DOK6: variants seen among roughly 807,000 people sequenced by gnomAD.
DOK6 encodes the protein docking protein 6, also known as downstream of tyrosine kinase 6.
A neutral mutation model predicts 44.0 loss-of-function variants in DOK6; 22 were observed. The ratio of observed to expected loss-of-function variants is 0.50; its 90% CI spans 0.36 to 0.71. DOK6 has a LOEUF of 0.71. DOK6 is among the 30% of genes least tolerant of loss of function. The probability of loss-of-function intolerance (pLI) is 0.00; values close to 1 mark genes in which losing one functional copy is unlikely to be tolerated. For synonymous variants in DOK6, 166 were observed against 145.5 expected (o/e 1.14, Z -1.01); for missense variants, 340 against 416.4 (o/e 0.82, Z 1.60).
chr18:69,610,963 A>T (rs1984124491), intron 3 of DOK6, among the ~76,000 whole-genome samples: 1 of 152,118 alleles, frequency 6.6e-6, no homozygotes, highest in South Asian at 2.1e-4. Flanking sequence ...ACAGAGAGAG[A>T]GAGAGAGTTT....
At chr18:69,826,691 G>C (rs1268546685) in intron 7 of DOK6, among the ~76,000 whole-genome samples, 1 of 152,130 alleles carries the variant, frequency 6.6e-6, no homozygotes, top group Non-Finnish European at 1.5e-5. Context: ...CAGTCCAGTA[G>C]GTGTTACTAA....
At chr18:69,716,618 T>C (rs768718560) in intron 5 of DOK6, among the ~76,000 whole-genome samples, 3 of 149,864 alleles carry the variant, frequency 2.0e-5, no homozygotes, top group Non-Finnish European at 2.9e-5. Flanking sequence ...CTTATTGCCA[T>C]TTAAAGAAAA....
intron 5 of DOK6, among the ~76,000 whole-genome samples, chr18:69,715,306 A>G (rs757935085): frequency 1.2e-4 from 19 of 152,336 alleles, no homozygotes; most frequent in South Asian, 6.2e-4. Flanking sequence ...TAAGCACACC[A>G]TAAATGGAAG....
At chr18:69,637,414 A>G (rs1023092858) in intron 3 of DOK6, among the ~76,000 whole-genome samples, 1 of 152,218 alleles carries the variant, frequency 6.6e-6, no homozygotes, top group African/African-American at 2.4e-5. Flanking sequence ...TCCTTATTTA[A>G]TTCAGTGATT....
chr18:69,773,684 G>A (rs917874418), intron 7 of DOK6, among the ~76,000 whole-genome samples: 3 of 151,972 alleles, frequency 2.0e-5, no homozygotes, highest in African/African-American at 7.2e-5. Flanking sequence ...GGAGCTGGAA[G>A]AGGGAGAAAT....
intron 1 of DOK6, among the ~76,000 whole-genome samples, chr18:69,455,156 C>CAAAAA (rs58451274): frequency 3.5e-4 from 41 of 117,276 alleles, no homozygotes; most frequent in Non-Finnish European, 4.4e-4. Flanking sequence ...ATAGCTATAG[C>CAAAAA]AAAAAAAAAA....
At chr18:69,805,542 T>A (rs1981029463) in intron 7 of DOK6, among the ~76,000 whole-genome samples, 1 of 152,226 alleles carries the variant, frequency 6.6e-6, no homozygotes, top group South Asian at 2.1e-4. Context: ...TAGGTGGTGC[T>A]ATAATTTTGC....
At chr18:69,494,926 G>A (rs1980839076) in intron 1 of DOK6, among the ~76,000 whole-genome samples, 1 of 152,176 alleles carries the variant, frequency 6.6e-6, no homozygotes, top group South Asian at 2.1e-4. Context: ...TAGCTTGGCA[G>A]GCTCTACTCG....
intron 7 of DOK6, among the ~76,000 whole-genome samples, chr18:69,816,045 G>A (rs1981388738): frequency 1.3e-5 from 2 of 152,132 alleles, no homozygotes; most frequent in Admixed American, 1.3e-4. Context: ...GAGGAGAAAT[G>A]GAGGAGAGCC....
chr18:69,439,896 A>G (rs779189488), intron 1 of DOK6, among the ~76,000 whole-genome samples: 2 of 152,166 alleles, frequency 1.3e-5, no homozygotes, highest in Non-Finnish European at 2.9e-5. Flanking sequence ...CTCAATTTGG[A>G]TAACTGTTTG....
chr18:69,638,586 A>G (rs1984865714), intron 3 of DOK6, among the ~76,000 whole-genome samples: 2 of 152,182 alleles, frequency 1.3e-5, no homozygotes, highest in South Asian at 4.1e-4. Flanking sequence ...TGAGTCAAAG[A>G]AACTGAATAT....
chr18:69,559,633 A>T (rs1470935700), intron 1 of DOK6, among the ~76,000 whole-genome samples: 3 of 152,098 alleles, frequency 2.0e-5, no homozygotes, highest in South Asian at 2.1e-4. Flanking sequence ...TGCTAGTTTT[A>T]AAAAAATATA....
At chr18:69,834,461 T>C (rs1017426990) in intron 7 of DOK6, among the ~76,000 whole-genome samples, 13 of 152,154 alleles carry the variant, frequency 8.5e-5, no homozygotes, top group African/African-American at 2.9e-4. Flanking sequence ...CAGTATTCCA[T>C]AGTATAGTAG....
chr18:69,786,059 G>C (rs1214230029), intron 7 of DOK6, among the ~76,000 whole-genome samples: 7 of 152,056 alleles, frequency 4.6e-5, no homozygotes. Flanking sequence ...GTGCTTTCCT[G>C]TTGTATGCGT....
chr18:69,553,963 C>A (rs111345547), intron 1 of DOK6, among the ~76,000 whole-genome samples: 1 of 152,122 alleles, frequency 6.6e-6, no homozygotes, highest in Admixed American at 6.6e-5. Flanking sequence ...TTCTGCTATC[C>A]TTGAAAATCC....
chr18:69,609,758 G>T (rs530358811), intron 3 of DOK6, among the ~76,000 whole-genome samples: 1 of 152,234 alleles, frequency 6.6e-6, no homozygotes, highest in African/African-American at 2.4e-5. Flanking sequence ...CAACAGCCAA[G>T]ATATGGAAAC....
chr18:69,813,274 A>G (rs1375621668), intron 7 of DOK6, among the ~76,000 whole-genome samples: 2 of 152,168 alleles, frequency 1.3e-5, no homozygotes, highest in Admixed American at 1.3e-4. Flanking sequence ...GGATCATACC[A>G]AGGGAAAAAT....
intron 1 of DOK6, among the ~76,000 whole-genome samples, chr18:69,532,214 T>C (rs1290057013): frequency 6.6e-6 from 1 of 152,196 alleles, no homozygotes; most frequent in Non-Finnish European, 1.5e-5. Context: ...AGCTAAGATA[T>C]GCCCTCTTGC....
At chr18:69,773,772 A>C (rs1239180607) in intron 7 of DOK6, among the ~76,000 whole-genome samples, 1 of 151,740 alleles carries the variant, frequency 6.6e-6, no homozygotes, top group African/African-American at 2.4e-5. Context: ...CTTAGTTAAC[A>C]GTACTGTGTT....
Sources: gnomAD v4.1 joint callset for allele counts (sites outside exome capture counted in the v4.1 genomes callset) on GRCh38, gnomAD v4.1.1 for gene constraint, MANE v1.5 for transcripts, NCBI Gene and HGNC (gene_info 2026-07-23, HGNC 2026-07-21) for gene names.